Variants in PSD3 observed in about 807,000 individuals in gnomAD.
The protein encoded by PSD3 is pleckstrin and Sec7 domain containing 3.
PSD3 carries 49 observed loss-of-function variants against 105.5 expected under a neutral mutation model. The observed-to-expected ratio is 0.46, with a 90% CI of 0.37 to 0.59. The LOEUF (loss-of-function observed/expected upper bound fraction) is 0.59, where lower values mean the gene tolerates loss of function less well. PSD3 is among the 20% of genes least tolerant of loss of function. PSD3 has a pLI of 0.00. For missense variants in PSD3, 1,561 were observed against 1,263.8 expected, an observed-to-expected ratio of 1.24 and a Z score of -3.57; for synonymous variants, 557 against 457.8, an observed-to-expected ratio of 1.22 and a Z score of -2.77.
rs144995882 is a variant in PSD3, at chr8:18,957,487, G to A, written c.22-21345C>T. On this transcript the variant is annotated intron_variant, in intron 1 of 15. Coordinates refer to ENST00000327040, the MANE Select transcript of PSD3 (RefSeq NM_015310.4). ...TAAGAACACCCTAGACAGAATCCAC[G>A]GGCCCAACAGCTAATTCCACATCTC... Among the ~76,000 whole-genome samples the A allele has an allele frequency of 2.9e-3, 439 of 151,964 alleles. 1 individual carries two copies. Among genetic ancestry groups the A allele is most frequent in the African/African-American group, 0.01 (416 of 41,440 alleles).
chr8:18,587,125 C>A (rs897404122), intron 12 of PSD3, among the ~76,000 whole-genome samples: 1 of 152,158 alleles, frequency 6.6e-6, no homozygotes, highest in Non-Finnish European at 1.5e-5. Context: ...TTCTGCTATA[C>A]TGGAATCCTA....
At chr8:19,080,259 G>C (rs901952144) in intron 1 of PSD3, among the ~76,000 whole-genome samples, 11 of 152,162 alleles carry the variant, frequency 7.2e-5, no homozygotes, top group African/African-American at 2.2e-4. Context: ...TAGATGCATA[G>C]GTATTATAGA....
At chr8:19,038,079 A>G (rs1230733900) in intron 1 of PSD3, among the ~76,000 whole-genome samples, 1 of 151,930 alleles carries the variant, frequency 6.6e-6, no homozygotes, top group Non-Finnish European at 1.5e-5. Context: ...ATCCTGATCT[A>G]TCCTTAGCCC....
rs1436508785 is a variant in PSD3, at chr8:18,561,512, G to A, written c.2785-5160C>T. ...GCTGGTCAAAGGATGAAAAATATCAGACAAGAGGAATAAATTCTGTTGTGT... is the reference window on the plus strand; with the variant it reads ...GCTGGTCAAAGGATGAAAAATATCAAACAAGAGGAATAAATTCTGTTGTGT... On this transcript the variant is annotated intron_variant, in intron 14 of 15. Transcript: ENST00000327040. 2.0e-5 allele frequency among the ~76,000 whole-genome samples: 3 copies of A among 152,046 alleles called. No homozygotes were observed. In the East Asian group the frequency reaches 5.8e-4, roughly 29 times the overall value.
intron 1 of PSD3, among the ~76,000 whole-genome samples, chr8:18,957,032 CTG>C (rs1823612934): frequency 6.6e-6 from 1 of 152,176 alleles, no homozygotes; most frequent in Non-Finnish European, 1.5e-5. Context: ...TAAGCAGTGA[CTG>C]CCAATTCTTG....
chr8:19,065,657 T>C (rs1829051849), intron 1 of PSD3, among the ~76,000 whole-genome samples: 1 of 152,196 alleles, frequency 6.6e-6, no homozygotes, highest in African/African-American at 2.4e-5. Context: ...AGGCACGTGG[T>C]AAGGGGCATG....
chr8:18,638,417 T>A (rs892189415), intron 10 of PSD3, among the ~76,000 whole-genome samples: 1 of 151,912 alleles, frequency 6.6e-6, no homozygotes, highest in Non-Finnish European at 1.5e-5. Flanking sequence ...TGACAACTGT[T>A]AGAACTGCTA....
At chr8:18,978,702 T>C (rs995888026) in intron 1 of PSD3, among the ~76,000 whole-genome samples, 1 of 152,214 alleles carries the variant, frequency 6.6e-6, no homozygotes, top group African/African-American at 2.4e-5. Context: ...AGCTCACTGA[T>C]GCAGCAGACA....
chr8:18,872,510 G>A lies in PSD3; in HGVS notation c.354C>T (p.Pro118=). The change falls in exon 3 of 16, where the codon CCC becomes CCT. Residue 118 remains proline (P), a synonymous_variant. Coordinates refer to ENST00000327040, the MANE Select transcript of PSD3 (RefSeq NM_015310.4). ...TEGPKDVREA[P]SQSHLKEQSL... is the part of the protein sequence containing the mutation. ...TTTGTTCCTTGAGATGACTTTGAGA[G>A]GGGGCCTCTCTGACATCTTTTGGTC... The A allele has an allele frequency of 6.2e-7, 1 of 1,614,150 alleles. No individual in the cohort carries two copies. Among genetic ancestry groups the A allele is most frequent in the Non-Finnish European group, 8.5e-7 (1 of 1,180,026 alleles).
At chr8:18,844,690 G>C (rs531592931) in intron 4 of PSD3, among the ~76,000 whole-genome samples, 106 of 152,262 alleles carry the variant, frequency 7.0e-4, no homozygotes, top group African/African-American at 2.4e-3. Flanking sequence ...TGCTTTCTCA[G>C]GGAAAAATAA....
At chr8:18,858,147 G>T (rs544753717) in intron 4 of PSD3, among the ~76,000 whole-genome samples, 1 of 152,298 alleles carries the variant, frequency 6.6e-6, no homozygotes, top group East Asian at 1.9e-4. Flanking sequence ...TTCAATTCCA[G>T]AATGCTGCAA....
At position 18,528,137 on chromosome 8, in the gene PSD3, T is replaced by A. The variant is rs1022684958; in HGVS notation, c.*7606A>T. ...GCTGACAATATAAATTCTCCGCTAG[T>A]GTACATTTAGAAATGGGTTCCTAAA... On this transcript the variant is annotated 3_prime_UTR_variant, in exon 16 of 16. Transcript: ENST00000327040. 2.6e-5 allele frequency: 4 copies of A among 152,246 alleles called. No individual in the cohort carries two copies. Among genetic ancestry groups the A allele is most frequent in the Admixed American group, 1.3e-4 (2 of 15,290 alleles). 9.4% of individuals were successfully genotyped at this position (152,246 alleles called of 1,614,324 possible). A position where few individuals can be genotyped will look rare whatever the true frequency, so the allele number is the denominator to read the frequency against.
At chr8:18,941,985 T>C (rs908936415) in intron 1 of PSD3, among the ~76,000 whole-genome samples, 1 of 152,146 alleles carries the variant, frequency 6.6e-6, no homozygotes, top group Non-Finnish European at 1.5e-5. Flanking sequence ...CTAGAATGAT[T>C]CTTTTAATTA....
chr8:18,987,134 C>T (rs997724846), intron 1 of PSD3, among the ~76,000 whole-genome samples: 20 of 152,004 alleles, frequency 1.3e-4, no homozygotes, highest in Non-Finnish European at 2.6e-4. Context: ...AACATTTTCA[C>T]TCCACCCTTT....
At chr8:18,799,733 A>T (rs1054747832) in intron 7 of PSD3, among the ~76,000 whole-genome samples, 5 of 152,214 alleles carry the variant, frequency 3.3e-5, no homozygotes, top group Non-Finnish European at 5.9e-5. Context: ...ACAAGTAAAT[A>T]TGAGCCTCCA....
chr8:18,676,382 AT>A (rs1479646858), intron 9 of PSD3, among the ~76,000 whole-genome samples: 1 of 152,028 alleles, frequency 6.6e-6, no homozygotes, highest in Non-Finnish European at 1.5e-5. Context: ...TCCTTCATGT[AT>A]TTCTTTCTTC....
intron 8 of PSD3, among the ~76,000 whole-genome samples, chr8:18,787,499 G>A (rs12546737): frequency 0.022 from 3,294 of 152,034 alleles, 160 homozygotes; most frequent in East Asian, 0.14. Context: ...AAAGTGGAAA[G>A]TTTAAAAAAA....
intron 1 of PSD3, among the ~76,000 whole-genome samples, chr8:18,975,960 T>C (rs1824922988): frequency 6.6e-6 from 1 of 152,108 alleles, no homozygotes; most frequent in Admixed American, 6.6e-5. Context: ...AAAATACGAA[T>C]CAATGCCTTA....
At chr8:18,753,374 C>CA (rs2129439634) in intron 9 of PSD3, among the ~76,000 whole-genome samples, 1 of 151,342 alleles carries the variant, frequency 6.6e-6, no homozygotes, top group East Asian at 1.9e-4. Context: ...AAAATCCACA[C>CA]AAAAGAAAAG....
Sources: gnomAD v4.1 joint callset for allele counts (sites outside exome capture counted in the v4.1 genomes callset) on GRCh38, gnomAD v4.1.1 for gene constraint, MANE v1.5 for transcripts, NCBI Gene and HGNC (gene_info 2026-07-23, HGNC 2026-07-21) for gene names.